The following PLSCR5 variants were observed in gnomAD, a reference collection of about 807,000 sequenced individuals.
PLSCR5 encodes the protein phospholipid scramblase family member 5, also known as phospholipid scramblase family, member 5.
In PLSCR5, 44 loss-of-function variants were observed where a neutral mutation model predicts 33.6. The ratio of observed to expected loss-of-function variants is 1.31; its 90% confidence interval spans 1.03 to 1.69. The LOEUF is 1.69. PLSCR5 is among the 40% of genes most tolerant of loss of function. PLSCR5 has a pLI of 0.00. For missense variants in PLSCR5, 375 were observed against 318.7 expected (o/e 1.18, Z -1.34); for synonymous variants, 148 against 112.3 (o/e 1.32, Z -2.01).
Position 146,605,224 on chromosome 3 carries a change from A to G in PLSCR5, c.-12T>C, listed in dbSNP as rs771330263. 1.1e-5 allele frequency: 18 copies of G among 1,611,530 alleles called. No homozygotes were observed. Among genetic ancestry groups the G allele is most frequent in the Admixed American group, 1.7e-5 (1 of 59,824 alleles). ...CCTTTAGAGGCCATGAAGATGTCTG[A>G]GTCACTTCTTCAAAGGTTGCCAGGT... On this transcript the variant is annotated 5_prime_UTR_variant, in exon 1 of 8. Coordinates refer to ENST00000443512, the MANE Select transcript of PLSCR5 (RefSeq NM_001085420.2).
At chr3:146,590,555 C>T (rs1293146238) in intron 5 of PLSCR5, among the ~76,000 whole-genome samples, 2 of 152,012 alleles carry the variant, frequency 1.3e-5, no homozygotes, top group East Asian at 1.9e-4. Flanking sequence ...CATCCTGATG[C>T]TGAAAGTAAT....
At chr3:146,601,534 T>G (rs576159431) in intron 1 of PLSCR5, among the ~76,000 whole-genome samples, 1 of 152,268 alleles carries the variant, frequency 6.6e-6, no homozygotes, top group East Asian at 1.9e-4. Context: ...AGGGCCGTTA[T>G]GAAGACAAGT....
intron 2 of PLSCR5, among the ~76,000 whole-genome samples, chr3:146,595,425 C>G (rs1040946527): frequency 5.9e-5 from 9 of 152,034 alleles, no homozygotes; most frequent in Admixed American, 1.3e-4. Context: ...CGAGACCAGT[C>G]TGTGCAAAAT....
chr3:146,578,007 T>C (rs2044609488), intron 7 of PLSCR5, among the ~76,000 whole-genome samples: 1 of 152,130 alleles, frequency 6.6e-6, no homozygotes, highest in Non-Finnish European at 1.5e-5. Flanking sequence ...TCAACATAAT[T>C]AAAAATATGG....
At chr3:146,588,719 A>G (rs2044685439) in intron 6 of PLSCR5, among the ~76,000 whole-genome samples, 1 of 152,200 alleles carries the variant, frequency 6.6e-6, no homozygotes, top group African/African-American at 2.4e-5. Flanking sequence ...TCTGTAGATT[A>G]GATAATAGCA....
chr3:146,581,507 A>G (rs1186631459), downstream of PLSCR5, among the ~76,000 whole-genome samples: 1 of 152,356 alleles, frequency 6.6e-6, no homozygotes, highest in Admixed American at 6.5e-5. Flanking sequence ...GAGAGTTTAG[A>G]GCAGGGACAA....
At chr3:146,592,259 G>C (rs1053747137) in intron 4 of PLSCR5, among the ~76,000 whole-genome samples, 1 of 151,988 alleles carries the variant, frequency 6.6e-6, no homozygotes, top group Non-Finnish European at 1.5e-5. Flanking sequence ...TTTAATTGTA[G>C]CCACAACACA....
At chr3:146,600,712 A>G (rs2044806090) in intron 1 of PLSCR5, among the ~76,000 whole-genome samples, 1 of 151,518 alleles carries the variant, frequency 6.6e-6, no homozygotes, top group Non-Finnish European at 1.5e-5. Context: ...AAAAGACTTT[A>G]GAAAAAAATA....
intron 1 of PLSCR5, among the ~76,000 whole-genome samples, chr3:146,602,226 T>C (rs945725338): frequency 2.6e-5 from 4 of 152,112 alleles, no homozygotes; most frequent in Admixed American, 1.3e-4. Context: ...AATAGGATCC[T>C]AAGAAGTAAA....
intron 1 of PLSCR5, among the ~76,000 whole-genome samples, chr3:146,604,351 C>A (rs746517992): frequency 6.6e-6 from 1 of 152,010 alleles, no homozygotes; most frequent in African/African-American, 2.4e-5. Flanking sequence ...AGTAAGATAA[C>A]GTAATGATAT....
At chr3:146,583,352 T>C (rs909670422), downstream of PLSCR5, among the ~76,000 whole-genome samples, 2 of 152,218 alleles carry the variant, frequency 1.3e-5, no homozygotes, top group African/African-American at 4.8e-5. Flanking sequence ...GTTGTGTGAA[T>C]CTGGTCAAGT....
chr3:146,580,538 C>A (rs1182280551), intron 7 of PLSCR5, among the ~76,000 whole-genome samples: 1 of 139,746 alleles, frequency 7.2e-6, no homozygotes, highest in Non-Finnish European at 1.5e-5. Context: ...GATTTCGGCT[C>A]ACTGCAATCT....
chr3:146,594,468 A>G (rs2107854589), intron 3 of PLSCR5, among the ~76,000 whole-genome samples: 1 of 152,284 alleles, frequency 6.6e-6, no homozygotes, highest in South Asian at 2.1e-4. Flanking sequence ...TTATTGTTAT[A>G]GAACTATTGG....
At chr3:146,590,992 T>C (rs1441503142) in intron 5 of PLSCR5, among the ~76,000 whole-genome samples, 1 of 74,820 alleles carries the variant, frequency 1.3e-5, no homozygotes, top group East Asian at 4.0e-4. Flanking sequence ...ATAAGGTTTT[T>C]TTTTGTTTTT....
chr3:146,599,514 C>CTTTTTTT, intron 2 of PLSCR5, among the ~76,000 whole-genome samples: 1 of 141,896 alleles, frequency 7.0e-6, no homozygotes, highest in Non-Finnish European at 1.5e-5. Flanking sequence ...TTTGCATTAA[C>CTTTTTTT]TTTTTTTTTT....
intron 2 of PLSCR5, among the ~76,000 whole-genome samples, chr3:146,599,679 C>CT (rs34180865): frequency 6.3e-4 from 88 of 139,210 alleles, no homozygotes; most frequent in African/African-American, 7.5e-4. Flanking sequence ...CTTTTCTTTT[C>CT]TTTTTTTTTT....
chr3:146,578,869 C>T (rs1210403241), intron 7 of PLSCR5, among the ~76,000 whole-genome samples: 1 of 151,918 alleles, frequency 6.6e-6, no homozygotes, highest in African/African-American at 2.4e-5. Context: ...CCTTGAAATG[C>T]ATTTTCAATA....
In PLSCR5 at chr3:146,605,296, C is replaced by T. The variant is rs1417929820; in HGVS notation, c.-84G>A. 1.2e-6 allele frequency: 2 copies of T among 1,601,774 alleles called. No individual in the cohort carries two copies. Among genetic ancestry groups the T allele is most frequent in the African/African-American group, 2.7e-5 (2 of 74,362 alleles). On this transcript the variant is annotated 5_prime_UTR_variant, in exon 1 of 8. The change abolishes an upstream ATG in the 5' untranslated region. Transcript: ENST00000443512. ...GTTGCAGCAAGGAGAGAAAACGCAG[C>T]ATGCACAAAACTTCAGAACGTGTTT...
chr3:146,602,898 G>GAGTGT (rs1382020540), intron 1 of PLSCR5, among the ~76,000 whole-genome samples: 1 of 152,058 alleles, frequency 6.6e-6, no homozygotes, highest in Non-Finnish European at 1.5e-5. Flanking sequence ...TCTTTATTTA[G>GAGTGT]GAGTAGAGTG....
Sources: gnomAD v4.1 joint callset for allele counts (sites outside exome capture counted in the v4.1 genomes callset) on GRCh38, gnomAD v4.1.1 for gene constraint, MANE v1.5 for transcripts, NCBI Gene and HGNC (gene_info 2026-07-23, HGNC 2026-07-21) for gene names.